The following ENPP1 variants were observed in gnomAD, a reference collection of about 807,000 sequenced individuals.
ENPP1 encodes ectonucleotide pyrophosphatase/phosphodiesterase 1.
Under a neutral mutation model 122.8 loss-of-function variants are expected in ENPP1, and 73 were observed. The ratio of observed to expected loss-of-function variants is 0.59; its 90% confidence interval spans 0.49 to 0.72. The LOEUF is 0.72. Among genes scored for constraint, ENPP1 ranks in the 30% least tolerant of loss-of-function variants. The probability of loss-of-function intolerance (pLI) is 0.00; values close to 1 mark genes in which losing one functional copy is unlikely to be tolerated. For synonymous variants in ENPP1, 367 were observed against 391.6 expected, an observed-to-expected ratio of 0.94 and a Z score of 0.74; for missense variants, 978 against 1,128.1, an observed-to-expected ratio of 0.87 and a Z score of 1.91.
intron 5 of ENPP1, among the ~76,000 whole-genome samples, chr6:131,852,505 A>G (rs1781895034): frequency 6.6e-6 from 1 of 152,164 alleles, no homozygotes; most frequent in African/African-American, 2.4e-5. Flanking sequence ...GCATCATGTC[A>G]GTGCTCAAAA....
At position 131,817,760 on chromosome 6, in the gene ENPP1, C is replaced by CACACAG. The variant is rs1449450636; in HGVS notation, c.240+9490_240+9491insGACACA. On this transcript the variant is annotated intron_variant, in intron 1 of 24. Coordinates refer to ENST00000647893, the MANE Select transcript of ENPP1 (RefSeq NM_006208.3). ...CTTTCTTTCTCTCTCTCCATACACA[C>CACACAG]ACACACACACACACACACACACACA... Among the ~76,000 whole-genome samples, 35 of 148,524 alleles carry CACACAG rather than the reference C, an allele frequency of 2.4e-4. 2 individuals carry two copies. In the East Asian group the frequency reaches 6.8e-3, roughly 29 times the overall value.
chr6:131,828,667 C>T (rs920451761), intron 1 of ENPP1, among the ~76,000 whole-genome samples: 1 of 152,170 alleles, frequency 6.6e-6, no homozygotes, highest in East Asian at 1.9e-4. Flanking sequence ...GTTTCAGTAC[C>T]TGTGGGCCAT....
At chr6:131,814,458 A>G (rs1224447078) in intron 1 of ENPP1, among the ~76,000 whole-genome samples, 1 of 152,222 alleles carries the variant, frequency 6.6e-6, no homozygotes, top group Non-Finnish European at 1.5e-5. Flanking sequence ...ATTTGGGCCA[A>G]GTTTGAGGAA....
chr6:131,856,613 AT>A (rs1282708978), intron 6 of ENPP1, among the ~76,000 whole-genome samples: 1 of 143,462 alleles, frequency 7.0e-6, no homozygotes. Flanking sequence ...TAGGGTTTTT[AT>A]GGTTTTAGGT....
At chr6:131,843,403 A>G (rs1249931154) in intron 1 of ENPP1, among the ~76,000 whole-genome samples, 5 of 152,220 alleles carry the variant, frequency 3.3e-5, no homozygotes, top group Non-Finnish European at 7.3e-5. Context: ...AAAAGTCAGC[A>G]TGTGTCTTCA....
At chr6:131,834,749 C>T (rs545686277) in intron 1 of ENPP1, among the ~76,000 whole-genome samples, 38 of 144,858 alleles carry the variant, frequency 2.6e-4, no homozygotes, top group Non-Finnish European at 3.1e-4. Context: ...TTAGTAGAGA[C>T]GGGGTTTCAC....
intron 24 of ENPP1, among the ~76,000 whole-genome samples, chr6:131,889,826 C>T (rs984304383): frequency 3.3e-5 from 5 of 152,074 alleles, no homozygotes; most frequent in African/African-American, 9.7e-5. Flanking sequence ...TTGCTGGGTC[C>T]AGTGGTATTT....
intron 13 of ENPP1, among the ~76,000 whole-genome samples, chr6:131,871,247 C>T (rs1237611737): frequency 6.6e-6 from 1 of 151,602 alleles, no homozygotes; most frequent in Non-Finnish European, 1.5e-5. Context: ...AATGTATACT[C>T]TTATCTGGAT....
At chr6:131,817,754 TACACAC>T (rs138209749) in intron 1 of ENPP1, among the ~76,000 whole-genome samples, 208 of 146,442 alleles carry the variant, frequency 1.4e-3, no homozygotes, top group Middle Eastern at 3.5e-3. Context: ...TCTCTCTCCA[TACACAC>T]ACACACACAC....
chr6:131,832,250 C>T (rs1383299582), intron 1 of ENPP1, among the ~76,000 whole-genome samples: 1 of 151,968 alleles, frequency 6.6e-6, no homozygotes, highest in Non-Finnish European at 1.5e-5. Context: ...GTCAGTTTCT[C>T]CACCCTGCAA....
chr6:131,811,278 T>C (rs1030827338), intron 1 of ENPP1, among the ~76,000 whole-genome samples: 10 of 152,160 alleles, frequency 6.6e-5, no homozygotes, highest in African/African-American at 2.4e-4. Flanking sequence ...TATCTGTGTA[T>C]GTGTAAAGGG....
intron 1 of ENPP1, among the ~76,000 whole-genome samples, chr6:131,834,021 G>A (rs1781644133): frequency 6.6e-6 from 1 of 152,180 alleles, no homozygotes; most frequent in Non-Finnish European, 1.5e-5. Context: ...TTGATGAAAT[G>A]CTTGTGTCTC....
At position 131,893,650 on chromosome 6, in the gene ENPP1, T is replaced by A. The variant is rs1782501370; in HGVS notation, c.*3139T>A. 6.6e-6 allele frequency: 1 copy of A among 152,238 alleles called. No individual in the cohort carries two copies. Among genetic ancestry groups the A allele is most frequent in the African/African-American group, 2.4e-5 (1 of 41,476 alleles). 9.4% of individuals were successfully genotyped at this position (152,238 alleles called of 1,614,324 possible). A position where few individuals can be genotyped will look rare whatever the true frequency, so the allele number is the denominator to read the frequency against. Reference sequence around the variant, plus strand: ...AAATGTCAGTCTCTACATTCTATGCTGACTGTTAAGGAAAGAGCACCCACA... The same window carrying A: ...AAATGTCAGTCTCTACATTCTATGCAGACTGTTAAGGAAAGAGCACCCACA... On this transcript the variant is annotated 3_prime_UTR_variant, in exon 25 of 25. Coordinates refer to ENST00000647893, the MANE Select transcript of ENPP1 (RefSeq NM_006208.3).
intron 20 of ENPP1, among the ~76,000 whole-genome samples, chr6:131,881,649 TGAG>T (rs1434469443): frequency 2.0e-5 from 3 of 152,158 alleles, no homozygotes; most frequent in African/African-American, 7.2e-5. Context: ...TTTGGGGGGC[TGAG>T]GAGGGCAGAT....
chr6:131,864,129 G>T (rs1488389744), intron 9 of ENPP1, among the ~76,000 whole-genome samples: 2 of 152,166 alleles, frequency 1.3e-5, no homozygotes, highest in African/African-American at 4.8e-5. Flanking sequence ...ACTGCTGTCT[G>T]CTCCTCAGGG....
Position 131,874,308 on chromosome 6 carries a change from G to A in ENPP1, c.1606G>A (p.Gly536Ser). The change falls in exon 16 of 25, where the codon GGC (glycine) becomes AGC (serine). Residue 536 changes from glycine (G) to serine (S), a missense_variant. Gly to Ser is a moderately conservative substitution (Grantham distance 56). Coordinates refer to ENST00000647893, the MANE Select transcript of ENPP1 (RefSeq NM_006208.3). ...ERKYCGSGFH[G>S]SDNVFSNMQA... ...GAAATATTGTGGAAGTGGATTTCAT[G>A]GCTCTGACAATGTATTTTCAAATAT... is the stretch of plus-strand genomic sequence containing the variant. 1 of 1,596,020 alleles carries A rather than the reference G, an allele frequency of 6.3e-7. No homozygotes were observed. The highest frequency in any genetic ancestry group is 8.6e-7 in the Non-Finnish European group (1 of 1,164,566).
intron 10 of ENPP1, 32 bp downstream of exon 10, chr6:131,864,603 C>T: frequency 7.0e-7 from 1 of 1,434,640 alleles, no homozygotes; most frequent in Non-Finnish European, 9.8e-7. Context: ...ATTGTAAATA[C>T]TTCGTTTTGT....
At chr6:131,844,294 T>C (rs568457413) in intron 1 of ENPP1, among the ~76,000 whole-genome samples, 17 of 152,362 alleles carry the variant, frequency 1.1e-4, no homozygotes, top group Non-Finnish European at 2.2e-4. Context: ...ATAGTTCAAA[T>C]TTCATTTACC....
chr6:131,865,009 C>A, intron 11 of ENPP1, 71 bp downstream of exon 11: 1 of 902,460 alleles, frequency 1.1e-6, no homozygotes, highest in Non-Finnish European at 1.9e-6. Context: ...TTGAAGGAGG[C>A]TGCTAGACCA....
Sources: gnomAD v4.1 joint callset for allele counts (sites outside exome capture counted in the v4.1 genomes callset) on GRCh38, gnomAD v4.1.1 for gene constraint, MANE v1.5 for transcripts, NCBI Gene and HGNC (gene_info 2026-07-23, HGNC 2026-07-21) for gene names.